AIFM3: variants seen among roughly 807,000 people sequenced by gnomAD.
The protein encoded by AIFM3 is AIF family member 3, also known as apoptosis-inducing factor 3.
AIFM3 carries 71 observed loss-of-function variants against 82.7 expected under a neutral mutation model. The observed-to-expected ratio is 0.86, with a 90% CI of 0.71 to 1.05. The LOEUF is 1.05. Ranked by LOEUF, AIFM3 falls within the 50% of genes least tolerant of loss-of-function variation. The pLI, the probability that AIFM3 is intolerant of heterozygous loss-of-function variation, is 0.00. For synonymous variants in AIFM3, 337 were observed against 329.1 expected, an observed-to-expected ratio of 1.02 and a Z score of -0.26; for missense variants, 748 against 816.7, an observed-to-expected ratio of 0.92 and a Z score of 1.03.
At chr22:20,975,450 A>T (rs1246066870) in intron 8 of AIFM3, among the ~76,000 whole-genome samples, 1 of 152,058 alleles carries the variant, frequency 6.6e-6, no homozygotes, top group Non-Finnish European at 1.5e-5. Context: ...TATTTTTTGT[A>T]GAAATGAGGT....
chr22:20,974,189 G>A lies in AIFM3; in HGVS notation c.465+17G>A, dbSNP rs1417679595. The stretch of plus-strand genomic sequence containing the variant: ...AAGTTCCAGGTGGGGCCAGGAGTGC[G>A]ATGGGGTGGGAACCTGGGGGTGTGG... On this transcript the variant is annotated intron_variant, in intron 5 of 20. Transcript: ENST00000440238. 1 of 1,608,406 alleles carries A rather than the reference G, an allele frequency of 6.2e-7. No homozygotes were observed. Among genetic ancestry groups the A allele is most frequent in the East Asian group, 2.2e-5 (1 of 44,806 alleles).
At chr22:20,971,990 C>T (rs1444403080) in intron 2 of AIFM3, among the ~76,000 whole-genome samples, 1 of 151,752 alleles carries the variant, frequency 6.6e-6, no homozygotes, top group African/African-American at 2.4e-5. Flanking sequence ...TGTGCCCCCT[C>T]TGTGCCATCC....
chr22:20,971,807 G>A (rs749641165), intron 2 of AIFM3, among the ~76,000 whole-genome samples: 2 of 152,232 alleles, frequency 1.3e-5, no homozygotes, highest in African/African-American at 2.4e-5. Flanking sequence ...TAAAAATTCT[G>A]TTTATTGTTC....
At chr22:20,974,195 G>A (rs754187934) in intron 5 of AIFM3, 23 bp downstream of exon 5, 6 of 1,613,322 alleles carry the variant, frequency 3.7e-6, no homozygotes, top group South Asian at 2.2e-5. Flanking sequence ...GTGCGATGGG[G>A]TGGGAACCTG....
At chr22:20,980,948 C>G (rs912721542) in intron 20 of AIFM3, 44 bp from the exon 21 acceptor site, 13 of 1,613,840 alleles carry the variant, frequency 8.1e-6, no homozygotes, top group African/African-American at 2.7e-5. Flanking sequence ...GAGTGGAGAG[C>G]CTGTTTTCTT....
intron 16 of AIFM3, among the ~76,000 whole-genome samples, chr22:20,978,600 T>C (rs1391761890): frequency 6.6e-6 from 1 of 151,944 alleles, no homozygotes; most frequent in Non-Finnish European, 1.5e-5. Context: ...ACTGCCAGAC[T>C]CCCAGCCTGG....
intron 5 of AIFM3, 21 bp from the exon 6 acceptor site, chr22:20,974,231 T>C: frequency 6.2e-7 from 1 of 1,613,830 alleles, no homozygotes; most frequent in Non-Finnish European, 8.5e-7. Context: ...GGGCTGGTCC[T>C]GAGCAATGCA....
chr22:20,976,854 C>A lies in AIFM3; in HGVS notation c.1147-13C>A. 1 of 1,596,754 alleles carries A rather than the reference C, an allele frequency of 6.3e-7. No individual in the cohort carries two copies. Among genetic ancestry groups the A allele is most frequent in the Non-Finnish European group, 8.5e-7 (1 of 1,169,980 alleles). On this transcript the variant is annotated splice_polypyrimidine_tract_variant and intron_variant, in intron 12 of 20. Coordinates refer to ENST00000440238, the MANE Select transcript of AIFM3 (RefSeq NM_001386814.1). The stretch of plus-strand genomic sequence containing the variant: ...CTCTCATCCACCGCCCACCTGCCCA[C>A]TTGCCCTGACAGATGTTTGAGAACA...
chr22:20,973,260 A>T, intron 2 of AIFM3, 47 bp from the exon 3 acceptor site: 1 of 1,545,572 alleles, frequency 6.5e-7, no homozygotes, highest in South Asian at 1.2e-5. Flanking sequence ...GGGATGGGGG[A>T]GGAAGTTGGC....
Position 20,968,515 on chromosome 22 carries a change from G to T in AIFM3, c.31+540G>T, listed in dbSNP as rs575398977. 4.6e-5 allele frequency among the ~76,000 whole-genome samples: 7 copies of T among 150,838 alleles called. No individual in the cohort carries two copies. In the East Asian group the frequency reaches 1.4e-3, roughly 30 times the overall value. ...TCGGGCTGCCTTCTTGGCCTTTCTG[G>T]GCACACTTCCCCATTTATACAGGAA... On this transcript the variant is annotated intron_variant, in intron 2 of 20. Coordinates refer to ENST00000440238, the MANE Select transcript of AIFM3 (RefSeq NM_001386814.1).
At chr22:20,968,818 C>T (rs1475563977) in intron 2 of AIFM3, among the ~76,000 whole-genome samples, 1 of 152,122 alleles carries the variant, frequency 6.6e-6, no homozygotes, top group African/African-American at 2.4e-5. Context: ...TCACCCCAGC[C>T]AGCTCACCCC....
At position 20,976,739 on chromosome 22, in the gene AIFM3, G is replaced by A; in HGVS notation, c.1119G>A (p.Gly373=). 3.7e-6 allele frequency: 6 copies of A among 1,610,394 alleles called. No individual in the cohort carries two copies. Among genetic ancestry groups the A allele is most frequent in the Non-Finnish European group, 5.1e-6 (6 of 1,178,306 alleles). The change falls in exon 12 of 21, where the codon GGG becomes GGA. Residue 373 remains glycine (G), a synonymous_variant. Coordinates refer to ENST00000440238, the MANE Select transcript of AIFM3 (RefSeq NM_001386814.1). ...LEETPFRRFL[G]ERVGRALMKM... Reference sequence around the variant, plus strand: ...AGACGCCCTTCAGGAGGTTCCTGGGGGAGCGCGTGGGTCGTGCCCTCATGA... The same window carrying A: ...AGACGCCCTTCAGGAGGTTCCTGGGAGAGCGCGTGGGTCGTGCCCTCATGA...
In AIFM3 at chr22:20,975,781, A is replaced by G. The variant is rs781226428; in HGVS notation, c.807+3A>G. On this transcript the variant is annotated splice_donor_region_variant and intron_variant, in intron 9 of 20. Coordinates refer to ENST00000440238, the MANE Select transcript of AIFM3 (RefSeq NM_001386814.1). ...TCGAGGTGCTCACCGAGGCTCAGGTACAGGGTCAAGGGTGGGAAACAGGCC... is the reference window on the plus strand; with the variant it reads ...TCGAGGTGCTCACCGAGGCTCAGGTGCAGGGTCAAGGGTGGGAAACAGGCC... 1 of 1,611,836 alleles carries G rather than the reference A, an allele frequency of 6.2e-7. No homozygotes were observed. The highest frequency in any genetic ancestry group is 2.2e-5 in the East Asian group (1 of 44,886).
At chr22:20,971,946 G>T (rs1395312664) in intron 2 of AIFM3, among the ~76,000 whole-genome samples, 1 of 150,254 alleles carries the variant, frequency 6.7e-6, no homozygotes, top group Non-Finnish European at 1.5e-5. Flanking sequence ...CGCTGGGGAA[G>T]TGGCTCTGTA....
chr22:20,973,815 G>A lies in AIFM3; in HGVS notation c.303G>A (p.Glu101=). Residue 101 remains glutamate (E), a synonymous_variant, in exon 4 of 21, where the codon GAG becomes GAA. Coordinates refer to ENST00000440238, the MANE Select transcript of AIFM3 (RefSeq NM_001386814.1). ...GKVLLVKDNG[E]FHALGHKCPH... is the part of the protein sequence containing the mutation. ...TGTTGCTGGTGAAGGACAATGGGGA[G>A]TTCCACGCCCTGGGCCATAAGTGTC... The A allele has an allele frequency of 6.3e-7, 1 of 1,583,254 alleles. No individual in the cohort carries two copies. The highest frequency in any genetic ancestry group is 8.6e-7 in the Non-Finnish European group (1 of 1,164,720).
At position 20,967,934 on chromosome 22, in the gene AIFM3, G is replaced by A. The variant is rs774375673; in HGVS notation, c.-11G>A. 8 of 1,613,992 alleles carry A rather than the reference G, an allele frequency of 5.0e-6. No individual in the cohort carries two copies. The highest frequency in any genetic ancestry group is 1.6e-4 in the Middle Eastern group (1 of 6,084). On this transcript the variant is annotated 5_prime_UTR_variant, in exon 2 of 21. Transcript: ENST00000440238. Reference sequence around the variant, plus strand: ...TGCTCCTGCCTGCCGGCCATCCTCAGGCCACTCGCCATGGGCGGCTGCTTC... The same window carrying A: ...TGCTCCTGCCTGCCGGCCATCCTCAAGCCACTCGCCATGGGCGGCTGCTTC...
At chr22:20,979,974 G>A (rs1601711212) in intron 18 of AIFM3, 46 bp from the exon 19 acceptor site, 2 of 1,562,850 alleles carry the variant, frequency 1.3e-6, no homozygotes, top group Non-Finnish European at 1.7e-6. Flanking sequence ...TTCAAAAAGG[G>A]GCTGCTGCCT....
At chr22:20,967,774 C>T in intron 1 of AIFM3, 31 bp from the exon 2 acceptor site, 1 of 669,180 alleles carries the variant, frequency 1.5e-6, no homozygotes, top group Non-Finnish European at 2.7e-6. Context: ...CCCACACGCC[C>T]CGGTCCTGAT....
At position 20,979,688 on chromosome 22, in the gene AIFM3, G is replaced by A. The variant is rs1281605536; in HGVS notation, c.1638G>A (p.Val546=). 25 of 1,614,220 alleles carry A rather than the reference G, an allele frequency of 1.5e-5. No individual in the cohort carries two copies. The highest frequency in any genetic ancestry group is 2.0e-5 in the Non-Finnish European group (24 of 1,180,040). Residue 546 remains valine, a synonymous_variant, in exon 18 of 21, where the codon GTG becomes GTA. Transcript: ENST00000440238. The stretch of plus-strand genomic sequence containing the variant: ...GGGATCTGGAGGAGCTGAAGTTTGT[G>A]GCTTTTTACACTAAGTGAGAGCACC... ...IQGDLEELKF[V]AFYTKGDEVI...
Sources: allele counts gnomAD v4.1 joint callset (sites outside exome capture counted in the v4.1 genomes callset), GRCh38; gene constraint gnomAD v4.1.1; transcripts MANE v1.5; gene names NCBI Gene and HGNC (gene_info 2026-07-23, HGNC 2026-07-21).